The following STXBP6 variants were observed in gnomAD, a reference collection of about 807,000 sequenced individuals.
STXBP6 encodes syntaxin binding protein 6, also known as syntaxin-binding protein 6.
Under a neutral mutation model 26.9 loss-of-function variants are expected in STXBP6, and 21 were observed. That is an observed-to-expected ratio of 0.78 (90% CI 0.55 to 1.12). STXBP6 has a LOEUF of 1.12. Ranked by LOEUF, STXBP6 falls within the 50% of genes most tolerant of loss-of-function variation. The pLI is 0.00. For synonymous variants in STXBP6, 97 were observed against 92.6 expected, an observed-to-expected ratio of 1.05 and a Z score of -0.27; for missense variants, 232 against 257.9, an observed-to-expected ratio of 0.90 and a Z score of 0.69.
chr14:24,811,579 G>T lies in STXBP6; in HGVS notation c.*1130C>A, dbSNP rs1750946375. Reference sequence around the variant, plus strand: ...GTATTGAAACTGACTGCAATGTAAAGGTTTGTGATTGTGGTGTTTTATATC... The same window carrying T: ...GTATTGAAACTGACTGCAATGTAAATGTTTGTGATTGTGGTGTTTTATATC... On this transcript the variant is annotated 3_prime_UTR_variant, in exon 6 of 6. Transcript: ENST00000323944. The T allele has an allele frequency of 6.6e-6, 1 of 152,106 alleles. No individual in the cohort carries two copies. The highest frequency in any genetic ancestry group is 1.5e-5 in the Non-Finnish European group (1 of 68,014). 9.4% of individuals were successfully genotyped at this position (152,106 alleles called of 1,614,324 possible).
At chr14:24,948,185 C>T (rs546875967) in intron 2 of STXBP6, among the ~76,000 whole-genome samples, 4 of 151,942 alleles carry the variant, frequency 2.6e-5, no homozygotes, top group Non-Finnish European at 4.4e-5. Context: ...CTCTACAATT[C>T]GTGAAGATCC....
At chr14:24,825,052 C>T (rs931805312) in intron 4 of STXBP6, among the ~76,000 whole-genome samples, 1 of 152,216 alleles carries the variant, frequency 6.6e-6, no homozygotes, top group African/African-American at 2.4e-5. Context: ...TCTAGCCACA[C>T]TCCTTTATTG....
At chr14:24,837,757 G>A (rs1566396673) in intron 4 of STXBP6, among the ~76,000 whole-genome samples, 1 of 152,170 alleles carries the variant, frequency 6.6e-6, no homozygotes, top group Admixed American at 6.5e-5. Context: ...AATTAAAAGG[G>A]TCTAAGATAC....
At chr14:24,960,391 C>CCGT (rs2073491828) in intron 2 of STXBP6, among the ~76,000 whole-genome samples, 1 of 152,132 alleles carries the variant, frequency 6.6e-6, no homozygotes, top group African/African-American at 2.4e-5. Context: ...AAATTTATGA[C>CCGT]TGTTAACCCC....
At chr14:24,914,350 T>C (rs1229645982) in intron 2 of STXBP6, among the ~76,000 whole-genome samples, 2 of 152,206 alleles carry the variant, frequency 1.3e-5, no homozygotes, top group Non-Finnish European at 2.9e-5. Context: ...AGATATGATA[T>C]TTGCATCTTA....
At chr14:24,865,951 T>C (rs2069702498) in intron 2 of STXBP6, among the ~76,000 whole-genome samples, 1 of 152,076 alleles carries the variant, frequency 6.6e-6, no homozygotes, top group African/African-American at 2.4e-5. Context: ...AACTCTAAAA[T>C]AACTAAACGA....
chr14:24,878,847 T>A (rs1233222629), intron 2 of STXBP6: 1 of 444,008 alleles, frequency 2.3e-6, no homozygotes, highest in Non-Finnish European at 4.5e-6. Flanking sequence ...CAATGCAAAT[T>A]AACAGGGAGC....
chr14:25,002,359 C>G (rs1430261054), intron 1 of STXBP6, among the ~76,000 whole-genome samples: 1 of 121,356 alleles, frequency 8.2e-6, no homozygotes, highest in South Asian at 2.5e-4. Flanking sequence ...ATTCTTATGA[C>G]TTTTTTTTTT....
At chr14:24,998,780 A>G (rs2074673214) in intron 1 of STXBP6, among the ~76,000 whole-genome samples, 1 of 152,194 alleles carries the variant, frequency 6.6e-6, no homozygotes, top group Non-Finnish European at 1.5e-5. Context: ...AAAGGAAACT[A>G]TTTGGGTAAT....
At chr14:24,991,849 C>T (rs921840562) in intron 1 of STXBP6, among the ~76,000 whole-genome samples, 3 of 152,206 alleles carry the variant, frequency 2.0e-5, no homozygotes, top group Non-Finnish European at 2.9e-5. Flanking sequence ...GACTAGAGAG[C>T]GGTAGACGGC....
intron 2 of STXBP6, among the ~76,000 whole-genome samples, chr14:24,908,375 C>T (rs556817566): frequency 1.6e-4 from 24 of 152,316 alleles, no homozygotes; most frequent in African/African-American, 5.5e-4. Context: ...GTGGTATACA[C>T]GCTGATCCCA....
chr14:24,979,011 C>T lies in STXBP6; in HGVS notation c.-32-4161G>A, dbSNP rs1033078600. ...AGTAGGAACTGCAGCAAATTAAAAA[C>T]CTCCATTGTTAAGGCATTCATTATC... On this transcript the variant is annotated intron_variant, in intron 1 of 5. Transcript: ENST00000323944. Among the ~76,000 whole-genome samples the T allele has an allele frequency of 2.0e-5, 3 of 152,198 alleles. No individual in the cohort carries two copies. In the East Asian group the frequency reaches 5.8e-4, roughly 29 times the overall value.
At chr14:24,846,705 A>G (rs577784677) in intron 4 of STXBP6, among the ~76,000 whole-genome samples, 181 of 152,334 alleles carry the variant, frequency 1.2e-3, no homozygotes, top group African/African-American at 4.0e-3. Context: ...CAATGAACCT[A>G]GTCCTGGGTA....
intron 2 of STXBP6, among the ~76,000 whole-genome samples, chr14:24,963,994 A>G (rs1046123821): frequency 3.5e-5 from 5 of 142,730 alleles, no homozygotes; most frequent in African/African-American, 1.3e-4. Context: ...AAAAAAAAAA[A>G]GCCAAAACAA....
chr14:24,833,011 C>T (rs2068502183), intron 4 of STXBP6, among the ~76,000 whole-genome samples: 1 of 152,190 alleles, frequency 6.6e-6, no homozygotes, highest in African/African-American at 2.4e-5. Context: ...CTTAAAATTA[C>T]ACTGTGTGAT....
intron 4 of STXBP6, among the ~76,000 whole-genome samples, chr14:24,835,906 T>G (rs1187973394): frequency 6.6e-6 from 1 of 152,214 alleles, no homozygotes; most frequent in Non-Finnish European, 1.5e-5. Context: ...TAAAAATGTA[T>G]CTATGGGTAA....
At chr14:24,908,689 A>C (rs149823567) in intron 2 of STXBP6, among the ~76,000 whole-genome samples, 1 of 152,318 alleles carries the variant, frequency 6.6e-6, no homozygotes, top group East Asian at 1.9e-4. Context: ...ACTGAGACCA[A>C]AACAGAACCG....
At chr14:24,874,359 C>T (rs990508373) in intron 2 of STXBP6, among the ~76,000 whole-genome samples, 15 of 152,214 alleles carry the variant, frequency 9.9e-5, no homozygotes, top group Middle Eastern at 6.8e-3. Context: ...TACTACTAGC[C>T]TCCATTTCTA....
intron 2 of STXBP6, among the ~76,000 whole-genome samples, chr14:24,891,176 A>C (rs1220145259): frequency 1.3e-5 from 2 of 152,136 alleles, no homozygotes; most frequent in African/African-American, 4.8e-5. Flanking sequence ...GGATGCAAAC[A>C]AGGCCTGAAA....
Sources: gnomAD v4.1 joint callset for allele counts (sites outside exome capture counted in the v4.1 genomes callset) on GRCh38, gnomAD v4.1.1 for gene constraint, MANE v1.5 for transcripts, NCBI Gene and HGNC (gene_info 2026-07-23, HGNC 2026-07-21) for gene names.